The following HS6ST2 variants were observed in gnomAD, a reference collection of about 807,000 sequenced individuals.
The protein encoded by HS6ST2 is heparan-sulfate 6-O-sulfotransferase 2.
Under a neutral mutation model 33.0 loss-of-function variants are expected in HS6ST2, and 17 were observed. The observed-to-expected ratio is 0.52, with a 90% CI of 0.35 to 0.77. The LOEUF is 0.77. HS6ST2 is among the 30% of genes least tolerant of loss of function. The pLI, the probability that HS6ST2 is intolerant of heterozygous loss-of-function variation, is 0.01. For missense variants in HS6ST2, 519 were observed against 551.7 expected (o/e 0.94, Z 0.59); for synonymous variants, 248 against 237.1 (o/e 1.05, Z -0.42).
chrX:132,944,592 G>C (rs1380159306), intron 2 of HS6ST2, among the ~76,000 whole-genome samples: 1 of 111,550 alleles, frequency 9.0e-6, no homozygotes, highest in East Asian at 2.8e-4. Context: ...CACGCTACCT[G>C]ACTTCAAACT....
chrX:132,916,956 T>C (rs2066600293), intron 2 of HS6ST2, among the ~76,000 whole-genome samples: 1 of 112,086 alleles, frequency 8.9e-6, no homozygotes, highest in East Asian at 2.8e-4. Flanking sequence ...ATTAGTTCTG[T>C]TCCTCCAGAG....
intron 2 of HS6ST2, among the ~76,000 whole-genome samples, chrX:132,820,375 A>C (rs773924755): frequency 8.9e-6 from 1 of 111,930 alleles, no homozygotes; most frequent in South Asian, 3.8e-4. Flanking sequence ...GCATCGCCAT[A>C]GGTCTGTCCT....
chrX:132,942,231 G>GTT (rs1040727652), intron 2 of HS6ST2, among the ~76,000 whole-genome samples: 9 of 111,947 alleles, frequency 8.0e-5, no homozygotes, highest in Admixed American at 4.8e-4. Flanking sequence ...CCTTCAAGCT[G>GTT]TTTTGTCAGT....
intron 2 of HS6ST2, among the ~76,000 whole-genome samples, chrX:132,938,408 G>A (rs1041313547): frequency 6.4e-5 from 7 of 109,602 alleles, no homozygotes; most frequent in African/African-American, 1.7e-4. Flanking sequence ...TTGGGAGACT[G>A]AGGCAGTACA....
At chrX:132,642,739 G>A (rs1033355169) in intron 4 of HS6ST2, among the ~76,000 whole-genome samples, 1 of 112,346 alleles carries the variant, frequency 8.9e-6, no homozygotes, top group Non-Finnish European at 1.9e-5. Flanking sequence ...GGAATGTGAT[G>A]TCACACTGGG....
chrX:132,943,808 G>C (rs2066912611), intron 2 of HS6ST2, among the ~76,000 whole-genome samples: 2 of 111,362 alleles, frequency 1.8e-5, no homozygotes, highest in African/African-American at 6.5e-5. Flanking sequence ...AAATTCAATA[G>C]CCCTTCATGC....
intron 2 of HS6ST2, among the ~76,000 whole-genome samples, chrX:132,946,376 C>T (rs1456545639): frequency 8.9e-6 from 1 of 112,101 alleles, no homozygotes; most frequent in African/African-American, 3.2e-5. Context: ...CCCAAATGTC[C>T]ATCATTGATA....
intron 2 of HS6ST2, among the ~76,000 whole-genome samples, chrX:132,835,770 G>T (rs1213018426): frequency 9.0e-6 from 1 of 111,639 alleles, no homozygotes; most frequent in African/African-American, 3.3e-5. Context: ...ACAAAAATTA[G>T]CCGGGCAAGG....
At chrX:132,880,735 A>G (rs1366085516) in intron 2 of HS6ST2, among the ~76,000 whole-genome samples, 1 of 105,311 alleles carries the variant, frequency 9.5e-6, no homozygotes, top group African/African-American at 3.4e-5. Context: ...CCATTAACTC[A>G]TCATTTACAT....
rs144233669 is a variant in HS6ST2, at chrX:132,856,352, T to C, written c.947+100456A>G. Among the ~76,000 whole-genome samples, 106 of 112,397 alleles carry C rather than the reference T, an allele frequency of 9.4e-4. 3 individuals are homozygous for C. The East Asian group carries it at 0.025, about 27-fold the overall frequency. On this transcript the variant is annotated intron_variant, in intron 2 of 4. Transcript: ENST00000370833. Reference sequence around the variant, plus strand: ...CTAATTTATAAGTTAAACTTTATCATAGGTAAGTATGTGTAGGAAAGAACA... The same window carrying C: ...CTAATTTATAAGTTAAACTTTATCACAGGTAAGTATGTGTAGGAAAGAACA...
At chrX:132,652,711 C>G (rs773697638) in intron 4 of HS6ST2, among the ~76,000 whole-genome samples, 1 of 110,287 alleles carries the variant, frequency 9.1e-6, no homozygotes, top group Non-Finnish European at 1.9e-5. Context: ...CTAGTGTTCA[C>G]CCATCAGGGC....
intron 2 of HS6ST2, among the ~76,000 whole-genome samples, chrX:132,884,378 G>A (rs1255737395): frequency 8.9e-6 from 1 of 112,098 alleles, no homozygotes; most frequent in Non-Finnish European, 1.9e-5. Context: ...ATCTGCAGAT[G>A]TTATGATGTT....
intron 2 of HS6ST2, among the ~76,000 whole-genome samples, chrX:132,723,171 C>G (rs1466271605): frequency 9.0e-6 from 1 of 111,442 alleles, no homozygotes. Context: ...GTCATGAGAT[C>G]AAAGCTGTAA....
At chrX:132,780,608 T>C (rs1006338462) in intron 2 of HS6ST2, among the ~76,000 whole-genome samples, 1 of 111,190 alleles carries the variant, frequency 9.0e-6, no homozygotes, top group South Asian at 3.9e-4. Flanking sequence ...CGTTGACAGG[T>C]CATTTTACTT....
chrX:132,891,839 C>G (rs1301880691), intron 2 of HS6ST2, among the ~76,000 whole-genome samples: 3 of 111,443 alleles, frequency 2.7e-5, no homozygotes, highest in African/African-American at 9.8e-5. Context: ...AGTGCCACAA[C>G]AAACATATGT....
At chrX:132,916,522 T>G (rs2066593111) in intron 2 of HS6ST2, among the ~76,000 whole-genome samples, 1 of 112,249 alleles carries the variant, frequency 8.9e-6, no homozygotes. Context: ...GATTAACATT[T>G]GAGTCAGCAG....
intron 2 of HS6ST2, among the ~76,000 whole-genome samples, chrX:132,769,437 G>A (rs1014293525): frequency 7.1e-5 from 8 of 111,966 alleles, no homozygotes; most frequent in Admixed American, 2.9e-4. Flanking sequence ...ACACATCACC[G>A]AAATAGACCA....
intron 3 of HS6ST2, among the ~76,000 whole-genome samples, chrX:132,701,264 T>C (rs2064142503): frequency 8.9e-6 from 1 of 112,132 alleles, no homozygotes; most frequent in Non-Finnish European, 1.9e-5. Context: ...GCTGTGTGCC[T>C]TCCTCACTTC....
At chrX:132,839,841 G>A (rs1174091865) in intron 2 of HS6ST2, among the ~76,000 whole-genome samples, 1 of 111,120 alleles carries the variant, frequency 9.0e-6, no homozygotes, top group Non-Finnish European at 1.9e-5. Flanking sequence ...CTCTGGCCGG[G>A]CACGGTGGTT....
Sources: gnomAD v4.1 joint callset for allele counts (sites outside exome capture counted in the v4.1 genomes callset) on GRCh38, gnomAD v4.1.1 for gene constraint, MANE v1.5 for transcripts, NCBI Gene and HGNC (gene_info 2026-07-23, HGNC 2026-07-21) for gene names.